The following HHAT variants were observed in gnomAD, a reference collection of about 807,000 sequenced individuals.
HHAT encodes the protein protein-cysteine N-palmitoyltransferase HHAT.
In HHAT, 47 loss-of-function variants were observed where a neutral mutation model predicts 70.8. The ratio of observed to expected loss-of-function variants is 0.66; its 90% CI spans 0.53 to 0.85. HHAT has a LOEUF of 0.85. HHAT is among the 40% of genes least tolerant of loss of function. HHAT has a pLI of 0.00. For missense variants in HHAT, 609 were observed against 604.8 expected (o/e 1.01, Z -0.07); for synonymous variants, 228 against 247.6 (o/e 0.92, Z 0.74).
chr1:210,351,594 G>C (rs948141147), intron 2 of HHAT, among the ~76,000 whole-genome samples: 7 of 152,154 alleles, frequency 4.6e-5, no homozygotes, highest in African/African-American at 1.7e-4. Context: ...CATTTCTCCT[G>C]TTTCATGTAT....
intron 9 of HHAT, among the ~76,000 whole-genome samples, chr1:210,557,935 A>G (rs1047145867): frequency 6.6e-6 from 1 of 152,160 alleles, no homozygotes; most frequent in African/African-American, 2.4e-5. Flanking sequence ...CACTGTCCAC[A>G]TGGGCATTTG....
At chr1:210,451,441 A>C (rs1478124481) in intron 7 of HHAT, among the ~76,000 whole-genome samples, 3 of 152,352 alleles carry the variant, frequency 2.0e-5, no homozygotes, top group African/African-American at 7.2e-5. Context: ...TGAACGAGAA[A>C]GGTGACTTTT....
In HHAT at chr1:210,623,664, A is replaced by G. The variant is rs372765603; in HGVS notation, c.1384A>G (p.Ile462Val). ...VGKTYWNRIF[I>V]QGWPWVTLSV... ...GAAAACCTACTGGAATAGGATCTTC[A>G]TACAAGGTAAGTTGCTTGACAGTGC... Residue 462 changes from isoleucine (I) to valine (V), a missense_variant, in exon 11 of 12, where the codon ATA becomes GTA. By Grantham distance (29) the Ile-to-Val change is conservative. Coordinates refer to ENST00000261458, the MANE Select transcript of HHAT (RefSeq NM_018194.6). 3.1e-6 allele frequency: 5 copies of G among 1,613,800 alleles called. No homozygotes were observed. The highest frequency in any genetic ancestry group is 1.6e-4 in the Middle Eastern group (1 of 6,082).
chr1:210,590,605 C>A (rs1661498942), intron 10 of HHAT: 1 of 140,556 alleles, frequency 7.1e-6, no homozygotes, highest in Non-Finnish European at 1.5e-5. Context: ...GACAGTCAGG[C>A]TTGAAGACAG....
At chr1:210,636,937 T>A (rs1210150631) in intron 11 of HHAT, among the ~76,000 whole-genome samples, 3 of 152,190 alleles carry the variant, frequency 2.0e-5, no homozygotes, top group Non-Finnish European at 4.4e-5. Context: ...TGGAGGACTC[T>A]GGAATCAGAC....
At chr1:210,653,579 T>C (rs928187325) in intron 11 of HHAT, among the ~76,000 whole-genome samples, 2 of 151,408 alleles carry the variant, frequency 1.3e-5, no homozygotes, top group Non-Finnish European at 2.9e-5. Flanking sequence ...TGTTTCTGTG[T>C]ACATACAATA....
intron 1 of HHAT, among the ~76,000 whole-genome samples, chr1:210,331,760 T>A (rs1225069501): frequency 3.3e-5 from 5 of 152,220 alleles, no homozygotes; most frequent in African/African-American, 1.2e-4. Flanking sequence ...CAGTTTGGTT[T>A]TGAGTGCAGC....
intron 8 of HHAT, 74 bp downstream of exon 8, chr1:210,464,729 G>A: frequency 6.6e-7 from 1 of 1,515,302 alleles, no homozygotes; most frequent in Non-Finnish European, 9.1e-7. Flanking sequence ...GCCTCAAAGG[G>A]TTCGGGCTAC....
chr1:210,412,385 A>G (rs909035719), intron 6 of HHAT, among the ~76,000 whole-genome samples: 1 of 152,218 alleles, frequency 6.6e-6, no homozygotes, highest in Non-Finnish European at 1.5e-5. Context: ...CCAAAGTCTC[A>G]TTTAAATATC....
chr1:210,418,971 T>C (rs1462744571), intron 7 of HHAT, among the ~76,000 whole-genome samples: 1 of 152,102 alleles, frequency 6.6e-6, no homozygotes, highest in South Asian at 2.1e-4. Flanking sequence ...AGGCGGAGGT[T>C]GCAGTAAGCC....
chr1:210,445,346 C>T (rs1038839183), intron 7 of HHAT, among the ~76,000 whole-genome samples: 6 of 152,152 alleles, frequency 3.9e-5, no homozygotes, highest in South Asian at 2.1e-4. Flanking sequence ...TAAAAGGTCA[C>T]CTTGGCTTCA....
chr1:210,339,346 A>T (rs1012588571), intron 1 of HHAT, among the ~76,000 whole-genome samples: 4 of 152,194 alleles, frequency 2.6e-5, no homozygotes, highest in African/African-American at 9.7e-5. Flanking sequence ...AACTATTTAT[A>T]ATATACCTGG....
At position 210,329,079 on chromosome 1, in the gene HHAT, T is replaced by C. The variant is rs887569878; in HGVS notation, c.-69T>C. 39 of 1,423,996 alleles carry C rather than the reference T, an allele frequency of 2.7e-5. No individual in the cohort carries two copies. In the African/African-American group the frequency reaches 3.6e-4, roughly 13 times the overall value. 88.2% of individuals were successfully genotyped at this position (1,423,996 alleles called of 1,614,324 possible). A position where few individuals can be genotyped will look rare whatever the true frequency, so the allele number is the denominator to read the frequency against. On this transcript the variant is annotated 5_prime_UTR_variant, in exon 1 of 12. Transcript: ENST00000261458. ...CTCGCGGCGCGCGTGAACGTTGCCG[T>C]CGCCGCCGCCCGGGACAGCCCGGAG... is the stretch of plus-strand genomic sequence containing the variant.
At chr1:210,336,699 T>G (rs1255824541) in intron 1 of HHAT, among the ~76,000 whole-genome samples, 1 of 152,042 alleles carries the variant, frequency 6.6e-6, no homozygotes, top group Non-Finnish European at 1.5e-5. Flanking sequence ...CAGGAGGATC[T>G]CTTGAGCCCA....
Position 210,399,396 on chromosome 1 carries a change from A to G in HHAT, c.274-1072A>G, listed in dbSNP as rs532901062. On this transcript the variant is annotated intron_variant, in intron 4 of 11. Coordinates refer to ENST00000261458, the MANE Select transcript of HHAT (RefSeq NM_018194.6). The stretch of plus-strand genomic sequence containing the variant: ...CTCAGCCTCCCGGGTAGTTGGGATT[A>G]CAGTCACCTACCATACCTGGCTAAT... Among the ~76,000 whole-genome samples, 15 of 152,278 alleles carry G rather than the reference A, an allele frequency of 9.9e-5. 1 individual carries two copies. The South Asian group carries it at 2.5e-3, about 25-fold the overall frequency.
At chr1:210,437,777 A>G (rs997158676) in intron 7 of HHAT, among the ~76,000 whole-genome samples, 7 of 151,762 alleles carry the variant, frequency 4.6e-5, no homozygotes, top group African/African-American at 1.7e-4. Context: ...CTGATTTTAA[A>G]CGTCTCCTTA....
At chr1:210,595,431 T>C (rs1662750859) in intron 10 of HHAT, among the ~76,000 whole-genome samples, 1 of 152,228 alleles carries the variant, frequency 6.6e-6, no homozygotes, top group Admixed American at 6.5e-5. Context: ...AACATACATG[T>C]GCATCTGTCT....
intron 2 of HHAT, among the ~76,000 whole-genome samples, chr1:210,361,746 T>TG (rs951573712): frequency 3.2e-4 from 49 of 152,236 alleles, no homozygotes; most frequent in Non-Finnish European, 5.7e-4. Context: ...TGTCCTTTTT[T>TG]GGGGGGGAAT....
intron 8 of HHAT, among the ~76,000 whole-genome samples, chr1:210,490,396 A>G (rs1341110950): frequency 1.3e-5 from 2 of 152,336 alleles, no homozygotes; most frequent in East Asian, 3.9e-4. Flanking sequence ...GAATGGAGTG[A>G]TGTCTCTACT....
Sources: allele counts gnomAD v4.1 joint callset (sites outside exome capture counted in the v4.1 genomes callset), GRCh38; gene constraint gnomAD v4.1.1; transcripts MANE v1.5; gene names NCBI Gene and HGNC (gene_info 2026-07-23, HGNC 2026-07-21).